ROBO1: variants seen among roughly 807,000 people sequenced by gnomAD.
The protein encoded by ROBO1 is roundabout guidance receptor 1.
Under a neutral mutation model 195.9 loss-of-function variants are expected in ROBO1, and 149 were observed. The observed-to-expected ratio is 0.76, with a 90% CI of 0.67 to 0.87. The LOEUF is 0.87. Ranked by LOEUF, ROBO1 falls within the 40% of genes least tolerant of loss-of-function variation. ROBO1 has a pLI of 0.00. For synonymous variants in ROBO1, 816 were observed against 733.2 expected (o/e 1.11, Z -1.82); for missense variants, 1,933 against 2,068.3 (o/e 0.93, Z 1.27).
intron 3 of ROBO1, among the ~76,000 whole-genome samples, chr3:78,993,415 A>T (rs1391724965): frequency 1.3e-5 from 2 of 152,160 alleles, no homozygotes; most frequent in African/African-American, 4.8e-5. Context: ...ATTTGAGTCA[A>T]ATTTAGGCAG....
chr3:78,738,900 A>C (rs2082456894), intron 5 of ROBO1, among the ~76,000 whole-genome samples: 1 of 152,214 alleles, frequency 6.6e-6, no homozygotes, highest in African/African-American at 2.4e-5. Flanking sequence ...AGCTTTGATG[A>C]AAATAAATAT....
chr3:78,975,801 C>A (rs890161348), intron 3 of ROBO1, among the ~76,000 whole-genome samples: 2 of 151,986 alleles, frequency 1.3e-5, no homozygotes, highest in African/African-American at 4.8e-5. Context: ...TATTCTGCAA[C>A]AAATACAAAA....
At chr3:79,543,297 G>A (rs1262120418) in intron 2 of ROBO1, among the ~76,000 whole-genome samples, 1 of 152,054 alleles carries the variant, frequency 6.6e-6, no homozygotes, top group Non-Finnish European at 1.5e-5. Flanking sequence ...AAAGCTCTCG[G>A]TTTGGTCTTA....
chr3:79,469,016 T>A (rs1938121827), intron 2 of ROBO1, among the ~76,000 whole-genome samples: 1 of 152,178 alleles, frequency 6.6e-6, no homozygotes, highest in African/African-American at 2.4e-5. Context: ...ACTCAGCAAG[T>A]ACTTAAAATC....
At chr3:79,170,249 A>T (rs2081143458) in intron 2 of ROBO1, among the ~76,000 whole-genome samples, 1 of 152,158 alleles carries the variant, frequency 6.6e-6, no homozygotes, top group Non-Finnish European at 1.5e-5. Flanking sequence ...TGATGAAATC[A>T]TTATAAGGAC....
intron 2 of ROBO1, among the ~76,000 whole-genome samples, chr3:79,508,954 G>C (rs1175306824): frequency 6.6e-6 from 1 of 151,762 alleles, no homozygotes; most frequent in Non-Finnish European, 1.5e-5. Flanking sequence ...AAGTCTTATA[G>C]AAATAACACA....
intron 2 of ROBO1, among the ~76,000 whole-genome samples, chr3:79,541,077 T>A (rs1942048814): frequency 6.6e-6 from 1 of 152,142 alleles, no homozygotes; most frequent in Non-Finnish European, 1.5e-5. Context: ...TCTAAAAGTG[T>A]TAACTTCATA....
intron 3 of ROBO1, among the ~76,000 whole-genome samples, chr3:79,061,717 C>T (rs1437566965): frequency 5.3e-5 from 8 of 152,088 alleles, no homozygotes; most frequent in Middle Eastern, 3.2e-3. Context: ...ACCATCTGAC[C>T]TTTGACAAAC....
At chr3:78,713,863 G>T (rs1217652553) in intron 8 of ROBO1, among the ~76,000 whole-genome samples, 12 of 152,220 alleles carry the variant, frequency 7.9e-5, no homozygotes, top group Non-Finnish European at 1.2e-4. Context: ...TTTATTGAGT[G>T]TTTGTTATGA....
chr3:79,683,758 G>C (rs948150020), intron 1 of ROBO1, among the ~76,000 whole-genome samples: 2 of 151,956 alleles, frequency 1.3e-5, no homozygotes, highest in African/African-American at 4.8e-5. Flanking sequence ...ATTCATCCAT[G>C]TTGCAGCATA....
chr3:79,590,648 C>T (rs1257256570), intron 1 of ROBO1, among the ~76,000 whole-genome samples: 1 of 151,576 alleles, frequency 6.6e-6, no homozygotes, highest in African/African-American at 2.4e-5. Flanking sequence ...ATTGATCAAG[C>T]TTATATGGAA....
At chr3:79,742,611 C>T (rs1376764051) in intron 1 of ROBO1, among the ~76,000 whole-genome samples, 1 of 152,172 alleles carries the variant, frequency 6.6e-6, no homozygotes, top group Non-Finnish European at 1.5e-5. Flanking sequence ...CCCAGCCTCA[C>T]CTCCTGTATG....
intron 2 of ROBO1, among the ~76,000 whole-genome samples, chr3:79,200,770 A>G (rs1226457953): frequency 6.6e-6 from 1 of 151,950 alleles, no homozygotes; most frequent in Non-Finnish European, 1.5e-5. Flanking sequence ...CAAATGTGTA[A>G]AATAAAGAGA....
At chr3:78,985,117 C>A (rs1422267394) in intron 3 of ROBO1, among the ~76,000 whole-genome samples, 2 of 152,070 alleles carry the variant, frequency 1.3e-5, no homozygotes, top group African/African-American at 2.4e-5. Context: ...AGTTGGAGAC[C>A]AGCCTGGGCA....
intron 2 of ROBO1, among the ~76,000 whole-genome samples, chr3:79,560,558 T>TATATATATATATATATATATATATATAC (rs5850439): frequency 1.1e-4 from 14 of 129,666 alleles, no homozygotes; most frequent in African/African-American, 1.2e-4. Context: ...TATATATATA[T>TATATATATATATATATATATATATATAC]ACACATACAC....
At chr3:79,096,034 C>A (rs2079559899) in intron 3 of ROBO1, among the ~76,000 whole-genome samples, 1 of 151,874 alleles carries the variant, frequency 6.6e-6, no homozygotes, top group Admixed American at 6.6e-5. Context: ...AGTGAACATT[C>A]ATGTATAAAT....
chr3:78,789,868 C>G (rs962838315), intron 4 of ROBO1, among the ~76,000 whole-genome samples: 4 of 152,202 alleles, frequency 2.6e-5, no homozygotes, highest in Non-Finnish European at 5.9e-5. Context: ...TTTCAGCCAC[C>G]ACCTTTGTTG....
chr3:79,004,592 G>A (rs2077578964), intron 3 of ROBO1, among the ~76,000 whole-genome samples: 1 of 152,236 alleles, frequency 6.6e-6, no homozygotes, highest in South Asian at 2.1e-4. Flanking sequence ...AGGTTTACCG[G>A]AAGATGAGAC....
At chr3:79,464,269 T>C (rs1296351207) in intron 2 of ROBO1, among the ~76,000 whole-genome samples, 3 of 152,240 alleles carry the variant, frequency 2.0e-5, no homozygotes, top group African/African-American at 7.2e-5. Context: ...TATTTTCGTT[T>C]GGCTTGAATA....
Sources: gnomAD v4.1 joint callset for allele counts (sites outside exome capture counted in the v4.1 genomes callset) on GRCh38, gnomAD v4.1.1 for gene constraint, MANE v1.5 for transcripts, NCBI Gene and HGNC (gene_info 2026-07-23, HGNC 2026-07-21) for gene names.